IQCE: variants seen among roughly 807,000 people sequenced by gnomAD.
The protein encoded by IQCE is IQ motif containing E.
IQCE carries 115 observed loss-of-function variants against 96.0 expected under a neutral mutation model. The observed-to-expected ratio is 1.20, with a 90% CI of 1.03 to 1.40. IQCE has a LOEUF of 1.40. IQCE is among the 40% of genes most tolerant of loss of function. The pLI, the probability that IQCE is intolerant of heterozygous loss-of-function variation, is 0.00. For missense variants in IQCE, 1,041 were observed against 909.1 expected (o/e 1.15, Z -1.87); for synonymous variants, 412 against 371.2 (o/e 1.11, Z -1.26).
chr7:2,572,274 G>C lies in IQCE; in HGVS notation c.342G>C (p.Leu114=), dbSNP rs147584030. 2,682 of 1,614,204 alleles carry C rather than the reference G, an allele frequency of 1.7e-3. 32 individuals are homozygous for C. The African/African-American group carries it at 0.031, about 18-fold the overall frequency. Residue 114 remains leucine, a synonymous_variant, in exon 5 of 22, where the codon CTG becomes CTC. Transcript: ENST00000402050. The part of the protein sequence containing the change: ...TGVPGGTPDC[L]TDTFRVKRPH... ...TCCCCGGCGGCACTCCTGACTGTCT[G>C]ACAGACACCTTCAGAGTGAAGAGGC...
chr7:2,581,958 C>T (rs896648432), intron 8 of IQCE: 15 of 402,844 alleles, frequency 3.7e-5, no homozygotes, highest in East Asian at 7.9e-5. Context: ...ATGATCCACC[C>T]GCCTCGGCCT....
At chr7:2,585,135 A>G (rs151280291) in intron 11 of IQCE, among the ~76,000 whole-genome samples, 142 of 150,190 alleles carry the variant, frequency 9.5e-4, no homozygotes, top group African/African-American at 3.3e-3. Flanking sequence ...TCCTGGGTTC[A>G]AGTGATTATC....
At position 2,586,323 on chromosome 7, in the gene IQCE, G is replaced by A; in HGVS notation, c.940G>A (p.Asp314Asn). ...GGAAGAGAACCAGAGCCTGAAGGAG[G>A]ACCTGGACCGCGTGCTGAGCACCTC... Reference protein sequence around the residue: ...LTEENQSLKEDLDRVLSTSPT... With the variant: ...LTEENQSLKENLDRVLSTSPT... The change falls in exon 12 of 22, where the codon GAC becomes AAC. Residue 314 changes from aspartate to asparagine, a missense_variant. Coordinates refer to ENST00000402050, the MANE Select transcript of IQCE (RefSeq NM_152558.5). 6.2e-7 allele frequency: 1 copy of A among 1,613,920 alleles called. No homozygotes were observed. The highest frequency in any genetic ancestry group is 1.3e-5 in the African/African-American group (1 of 75,046).
rs767674026 is a variant in IQCE, at chr7:2,587,834, G to A, written c.1001G>A (p.Trp334Ter). Residue 334 changes from tryptophan (W) to a stop codon, truncating the protein, a stop_gained, in exon 13 of 22, where the codon TGG becomes TAG. Coordinates refer to ENST00000402050, the MANE Select transcript of IQCE (RefSeq NM_152558.5). LOFTEE classifies it high-confidence loss of function. ...TTGCTTCCATCAGGTTATGTGGAGT[G>A]GAGCAAGCCCCGGCTGCTGAGGCGC... ...TISKTQGYVE[W>*]SKPRLLRRIV... 20 of 1,614,098 alleles carry A rather than the reference G, an allele frequency of 1.2e-5. No homozygotes were observed. The highest frequency in any genetic ancestry group is 1.6e-5 in the Non-Finnish European group (19 of 1,179,968).
chr7:2,570,393 C>A (rs1372346103), intron 3 of IQCE, among the ~76,000 whole-genome samples: 1 of 151,748 alleles, frequency 6.6e-6, no homozygotes, highest in African/African-American at 2.4e-5. Flanking sequence ...CTTTTTTCTG[C>A]TCACTCATTT....
rs1284734493 is a variant in IQCE at position 2,593,087 on chromosome 7, A to G, written c.1310A>G (p.Glu437Gly). Residue 437 changes from glutamate to glycine, a missense_variant, in exon 15 of 22, where the codon GAG (glutamate) becomes GGG (glycine). Physicochemically the swap from Glu to Gly is moderately conservative, Grantham distance 98. Transcript: ENST00000402050. ...GAGAAGGAGCTGGAGTGCGCGAGGGAGGGCGAGGAGGAGAGGAGAGAGCGA... is the reference window on the plus strand; with the variant it reads ...GAGAAGGAGCTGGAGTGCGCGAGGGGGGGCGAGGAGGAGAGGAGAGAGCGA... ...DLEKELECAREGEEERREREE... is the reference protein window; with the variant it reads ...DLEKELECARGGEEERREREE... The G allele has an allele frequency of 6.2e-7, 1 of 1,612,566 alleles. No homozygotes were observed. The highest frequency in any genetic ancestry group is 2.2e-5 in the East Asian group (1 of 44,856).
chr7:2,571,352 G>A, intron 3 of IQCE, 174 bp from the exon 4 acceptor site: 1 of 741,422 alleles, frequency 1.3e-6, no homozygotes, highest in East Asian at 2.7e-5. Flanking sequence ...AAAAGTTAAA[G>A]GAGAAATGTC....
intron 3 of IQCE, among the ~76,000 whole-genome samples, chr7:2,570,900 C>T (rs552143764): frequency 3.3e-4 from 51 of 152,274 alleles, no homozygotes; most frequent in African/African-American, 1.2e-3. Flanking sequence ...AGGCACAAAA[C>T]GATGTGTTCA....
intron 12 of IQCE, among the ~76,000 whole-genome samples, chr7:2,587,277 C>T (rs2969011): frequency 0.18 from 27,981 of 151,282 alleles, 2,826 homozygotes; most frequent in East Asian, 0.33. Flanking sequence ...CAGGCAGTGG[C>T]TGTGTGGGGG....
At chr7:2,583,002 A>G (rs1438365550) in intron 9 of IQCE, among the ~76,000 whole-genome samples, 1 of 151,756 alleles carries the variant, frequency 6.6e-6, no homozygotes, top group Non-Finnish European at 1.5e-5. Context: ...GCGAAGGGAG[A>G]GTCTTTCTGG....
At chr7:2,586,413 G>A in intron 12 of IQCE, 42 bp downstream of exon 12, 1 of 100,682 alleles carries the variant, frequency 9.9e-6, no homozygotes, top group Non-Finnish European at 1.5e-5. Flanking sequence ...GCCAGGGAAT[G>A]GCAGGGAATG....
chr7:2,562,607 C>A (rs1207933626), intron 1 of IQCE, among the ~76,000 whole-genome samples: 1 of 140,970 alleles, frequency 7.1e-6, no homozygotes, highest in African/African-American at 2.6e-5. Context: ...TTTTTTTTTT[C>A]CCCCTGTATT....
At chr7:2,582,438 C>A in intron 8 of IQCE, 142 bp from the exon 9 acceptor site, 2 of 714,790 alleles carry the variant, frequency 2.8e-6, no homozygotes, top group South Asian at 1.7e-5. Flanking sequence ...TCCCTCTTCC[C>A]TGGGCCCGTA....
chr7:2,613,300 G>C lies in IQCE; in HGVS notation c.*3138G>C, dbSNP rs1785178416. 6.6e-6 allele frequency: 1 copy of C among 152,312 alleles called. No individual in the cohort carries two copies. Among genetic ancestry groups the C allele is most frequent in the African/African-American group, 2.4e-5 (1 of 41,424 alleles). 9.4% of individuals were successfully genotyped at this position (152,312 alleles called of 1,614,324 possible). On this transcript the variant is annotated 3_prime_UTR_variant, in exon 22 of 22. Transcript: ENST00000402050. ...ACCCGGAGGTGTGCTCTCCCCTAGA[G>C]GCCTGTCCCCAACTCCTCCCCTAGA...
intron 17 of IQCE, among the ~76,000 whole-genome samples, chr7:2,599,685 C>T (rs537567635): frequency 2.4e-4 from 36 of 152,098 alleles, no homozygotes; most frequent in African/African-American, 8.2e-4. Flanking sequence ...ACGGGTCTTG[C>T]TGTGTTGTCC....
Position 2,584,269 on chromosome 7 carries a change from G to A in IQCE, c.808G>A (p.Glu270Lys), listed in dbSNP as rs983215787. ...TCTCCAGACCCTCTTGGCAAGTTCTGAAACCACCGGAAAGAAGTATGATGG... is the reference window on the plus strand; with the variant it reads ...TCTCCAGACCCTCTTGGCAAGTTCTAAAACCACCGGAAAGAAGTATGATGG... ...HRLQTLLASS[E>K]TTGKKPLGEK... Residue 270 changes from glutamate (E) to lysine (K), a missense_variant, in exon 11 of 22, where the codon GAA becomes AAA. By Grantham distance (56) the Glu-to-Lys change is moderately conservative (BLOSUM62 1). Coordinates refer to ENST00000402050, the MANE Select transcript of IQCE (RefSeq NM_152558.5). 4 of 1,614,000 alleles carry A rather than the reference G, an allele frequency of 2.5e-6. No homozygotes were observed. The African/African-American group carries it at 5.3e-5, about 22-fold the overall frequency.
At chr7:2,589,150 T>C (rs1783375807) in intron 13 of IQCE, among the ~76,000 whole-genome samples, 2 of 152,132 alleles carry the variant, frequency 1.3e-5, no homozygotes, top group African/African-American at 4.8e-5. Flanking sequence ...GGAGGATTAC[T>C]TGAGCCCAGG....
In IQCE at chr7:2,611,110, T is replaced by TGGCTGGGCTGGGCTGGCCTG. The variant is rs1785083499; in HGVS notation, c.*964_*965insCCTGGGCTGGGCTGGGCTGG. ...GCGGCCTCTGCACTCCCAAGCTCCA[T>TGGCTGGGCTGGGCTGGCCTG]GGCTGGGCTGGGCTGGGCTGGGCTG... On this transcript the variant is annotated 3_prime_UTR_variant, in exon 22 of 22. Transcript: ENST00000402050. The TGGCTGGGCTGGGCTGGCCTG allele has an allele frequency of 2.7e-5, 1 of 36,606 alleles. No individual in the cohort carries two copies. The highest frequency in any genetic ancestry group is 2.5e-4 in the Admixed American group (1 of 4,038). The allele number at this position is 36,606 out of a possible 1,614,324, so 2.3% of individuals were successfully genotyped here.
intron 19 of IQCE, among the ~76,000 whole-genome samples, 169 bp downstream of exon 19, chr7:2,605,160 G>A (rs1003703452): frequency 3.3e-5 from 5 of 152,200 alleles, no homozygotes; most frequent in South Asian, 2.1e-4. Flanking sequence ...GCTTCTCTGC[G>A]CAGGCCCCTC....
Sources: gnomAD v4.1 joint callset for allele counts (sites outside exome capture counted in the v4.1 genomes callset) on GRCh38, gnomAD v4.1.1 for gene constraint, MANE v1.5 for transcripts, NCBI Gene and HGNC (gene_info 2026-07-23, HGNC 2026-07-21) for gene names.